LRRC7: variants seen among roughly 807,000 people sequenced by gnomAD.
LRRC7 encodes leucine rich repeat containing 7.
A neutral mutation model predicts 175.7 loss-of-function variants in LRRC7; 23 were observed. The observed-to-expected ratio is 0.13, with a 90% CI of 0.09 to 0.19. LRRC7 has a LOEUF of 0.19. Ranked by LOEUF, LRRC7 falls within the 10% of genes least tolerant of loss-of-function variation. The pLI is 1.00. For synonymous variants in LRRC7, 685 were observed against 680.9 expected, an observed-to-expected ratio of 1.01 and a Z score of -0.09; for missense variants, 1,354 against 1,904.7, an observed-to-expected ratio of 0.71 and a Z score of 5.38.
rs1347845990 is a variant in LRRC7 at position 69,717,978 on chromosome 1, A to G, written c.100+39500A>G. 8.5e-5 allele frequency among the ~76,000 whole-genome samples: 4 copies of G among 47,202 alleles called. No individual in the cohort carries two copies. In the East Asian group the frequency reaches 1.5e-3, roughly 18 times the overall value. 31.0% of individuals were successfully genotyped at this position (47,202 alleles called of 152,430 possible). A position where few individuals can be genotyped will look rare whatever the true frequency, so the allele number is the denominator to read the frequency against. On this transcript the variant is annotated intron_variant, in intron 2 of 26. Coordinates refer to ENST00000651989, the MANE Select transcript of LRRC7 (RefSeq NM_001370785.2). ...AAAGAAGAAAAAGAAAGAAAGAGAA[A>G]GAAAGAGGAGGGAGAGAAAGAAAGA...
intron 7 of LRRC7, among the ~76,000 whole-genome samples, chr1:69,886,682 C>T (rs1014230921): frequency 6.8e-6 from 1 of 146,200 alleles, no homozygotes; most frequent in Non-Finnish European, 1.5e-5. Flanking sequence ...GGTGATTTTG[C>T]TCATTAGTTG....
intron 25 of LRRC7, among the ~76,000 whole-genome samples, chr1:70,106,692 A>G (rs1293507113): frequency 1.3e-5 from 2 of 152,034 alleles, no homozygotes; most frequent in East Asian, 3.9e-4. Flanking sequence ...TGCGCTCCCA[A>G]TCCCATCCAC....
chr1:69,635,121 T>C (rs1379058463), intron 1 of LRRC7, among the ~76,000 whole-genome samples: 1 of 151,996 alleles, frequency 6.6e-6, no homozygotes, highest in Non-Finnish European at 1.5e-5. Flanking sequence ...TGTTCCCCTC[T>C]ATGTGTCCTT....
chr1:69,878,922 TG>T (rs1686296363), intron 7 of LRRC7, among the ~76,000 whole-genome samples: 1 of 148,602 alleles, frequency 6.7e-6, no homozygotes, highest in Non-Finnish European at 1.5e-5. Flanking sequence ...TTTATATATA[TG>T]GTGTACATTT....
At chr1:70,047,595 A>C (rs1331108674) in intron 22 of LRRC7, among the ~76,000 whole-genome samples, 1 of 152,124 alleles carries the variant, frequency 6.6e-6, no homozygotes, top group African/African-American at 2.4e-5. Flanking sequence ...TACATAGTGA[A>C]TATTTATATG....
intron 5 of LRRC7, among the ~76,000 whole-genome samples, chr1:69,828,589 T>C (rs1162348952): frequency 1.3e-5 from 2 of 152,100 alleles, no homozygotes; most frequent in Admixed American, 6.6e-5. Flanking sequence ...GGAGAAATAA[T>C]GATATAAGTT....
At chr1:69,874,600 T>G (rs541948662) in intron 7 of LRRC7, 20 of 152,242 alleles carry the variant, frequency 1.3e-4, no homozygotes, top group African/African-American at 4.1e-4. Context: ...TTTTTGGTTC[T>G]ATTTCATTTT....
intron 8 of LRRC7, among the ~76,000 whole-genome samples, chr1:69,947,990 C>T (rs1649522044): frequency 6.6e-6 from 1 of 152,018 alleles, no homozygotes; most frequent in South Asian, 2.1e-4. Flanking sequence ...GATCTGTCAA[C>T]CTGATAACTG....
chr1:69,841,492 G>T (rs1022512829), intron 7 of LRRC7, among the ~76,000 whole-genome samples: 3 of 152,000 alleles, frequency 2.0e-5, no homozygotes, highest in African/African-American at 7.2e-5. Context: ...CCACAGGTCT[G>T]GTTCTCAGCA....
intron 7 of LRRC7, among the ~76,000 whole-genome samples, chr1:69,929,371 A>G (rs1306474223): frequency 6.6e-6 from 1 of 152,302 alleles, no homozygotes; most frequent in African/African-American, 2.4e-5. Flanking sequence ...CTGAACTTCC[A>G]GTCTACCCAA....
At chr1:69,781,647 A>C (rs945511611) in intron 3 of LRRC7, among the ~76,000 whole-genome samples, 2 of 146,450 alleles carry the variant, frequency 1.4e-5, no homozygotes, top group African/African-American at 5.1e-5. Context: ...ATGCCACTGC[A>C]CTCCAGCCTG....
At chr1:69,906,311 GT>G (rs1386768998) in intron 7 of LRRC7, among the ~76,000 whole-genome samples, 1 of 152,180 alleles carries the variant, frequency 6.6e-6, no homozygotes, top group East Asian at 1.9e-4. Flanking sequence ...TGCTTTTGGT[GT>G]TTTAGACATG....
At chr1:69,772,814 A>G (rs1388969732) in intron 3 of LRRC7, among the ~76,000 whole-genome samples, 1 of 152,234 alleles carries the variant, frequency 6.6e-6, no homozygotes, top group Non-Finnish European at 1.5e-5. Flanking sequence ...GAAAACAAGG[A>G]AAGAAGGGTT....
intron 2 of LRRC7, among the ~76,000 whole-genome samples, chr1:69,737,601 C>T (rs191105954): frequency 1.3e-5 from 2 of 152,208 alleles, no homozygotes; most frequent in East Asian, 3.9e-4. Context: ...ATCAGGTAGA[C>T]ATATAAACCC....
intron 2 of LRRC7, among the ~76,000 whole-genome samples, chr1:69,688,196 C>G (rs915171509): frequency 6.6e-6 from 1 of 152,172 alleles, no homozygotes; most frequent in African/African-American, 2.4e-5. Context: ...TATGGTAAAT[C>G]AGCTAAAAGA....
intron 8 of LRRC7, among the ~76,000 whole-genome samples, chr1:69,971,807 T>G (rs1411087144): frequency 1.3e-5 from 2 of 152,082 alleles, no homozygotes; most frequent in Admixed American, 1.3e-4. Flanking sequence ...AGAGCCCACA[T>G]AGCCAAAGCA....
Position 69,772,024 on chromosome 1 carries a change from G to A in LRRC7, c.303+11631G>A, listed in dbSNP as rs148508797. Among the ~76,000 whole-genome samples, 286 of 152,212 alleles carry A rather than the reference G, an allele frequency of 1.9e-3. 1 individual carries two copies. The highest frequency in any genetic ancestry group is 6.4e-3 in the African/African-American group (265 of 41,526). On this transcript the variant is annotated intron_variant, in intron 3 of 26. Coordinates refer to ENST00000651989, the MANE Select transcript of LRRC7 (RefSeq NM_001370785.2). ...CAATGCCAGCTACTCAGGAGGCTGA[G>A]GCAGGAGAATCGCTTGAACCCAGGA...
rs182652707 is a variant in LRRC7 at position 69,907,666 on chromosome 1, T to G, written c.648-23841T>G. On this transcript the variant is annotated intron_variant, in intron 7 of 26. Coordinates refer to ENST00000651989, the MANE Select transcript of LRRC7 (RefSeq NM_001370785.2). Reference sequence around the variant, plus strand: ...TGTGCTGCTGGATTCGATTTGCCAGTATTTTATTGAGGATTTTTCCATCAA... The same window carrying G: ...TGTGCTGCTGGATTCGATTTGCCAGGATTTTATTGAGGATTTTTCCATCAA... 1.6e-4 allele frequency among the ~76,000 whole-genome samples: 24 copies of G among 152,364 alleles called. No homozygotes were observed. The East Asian group carries it at 4.6e-3, about 29-fold the overall frequency.
At chr1:69,873,073 T>A (rs1256813792) in intron 7 of LRRC7, among the ~76,000 whole-genome samples, 1 of 152,150 alleles carries the variant, frequency 6.6e-6, no homozygotes, top group African/African-American at 2.4e-5. Flanking sequence ...TATGCGTTAA[T>A]CATGCTTGTT....
Sources: allele counts gnomAD v4.1 joint callset (sites outside exome capture counted in the v4.1 genomes callset), GRCh38; gene constraint gnomAD v4.1.1; transcripts MANE v1.5; gene names NCBI Gene and HGNC (gene_info 2026-07-23, HGNC 2026-07-21).